PYGL: variants seen among roughly 807,000 people sequenced by gnomAD.
The protein encoded by PYGL is glycogen phosphorylase L.
PYGL carries 90 observed loss-of-function variants against 100.1 expected under a neutral mutation model. That is an observed-to-expected ratio of 0.90 (90% confidence interval 0.76 to 1.07). PYGL has a LOEUF of 1.07. Among genes scored for constraint, PYGL ranks in the 50% least tolerant of loss-of-function variants. The pLI is 0.00. For synonymous variants in PYGL, 373 were observed against 393.0 expected (o/e 0.95, Z 0.60); for missense variants, 1,016 against 1,057.6 (o/e 0.96, Z 0.55).
rs766049593 is a variant in PYGL, at chr14:50,908,279, G to T, written c.2371C>A (p.Leu791Met). Residue 791 changes from leucine to methionine, a missense_variant, in exon 19 of 20, where the codon CTG becomes ATG. Coordinates refer to ENST00000216392, the MANE Select transcript of PYGL (RefSeq NM_002863.5). ...CTTGGCAATTTACTCACCATGTACA[G>T]CTGACTCACTTTATCTTGACACTTG... ...YVKCQDKVSQ[L>M]YMNPKAWNTM... The T allele has an allele frequency of 1.9e-6, 3 of 1,591,566 alleles. No individual in the cohort carries two copies. The Admixed American group carries it at 5.0e-5, about 27-fold the overall frequency.
Position 50,908,802 on chromosome 14 carries a change from T to A in PYGL, c.2312+19A>T. The A allele has an allele frequency of 6.5e-7, 1 of 1,546,248 alleles. No individual in the cohort carries two copies. The highest frequency in any genetic ancestry group is 1.1e-5 in the South Asian group (1 of 89,688). On this transcript the variant is annotated intron_variant, in intron 18 of 19. Transcript: ENST00000216392. ...CCCTTTCATGATCCAAATAGCACCA[T>A]CTTCTTATGGGAACTCACCTGTCAT...
At position 50,911,999 on chromosome 14, in the gene PYGL, C is replaced by G. The variant is rs1170721140; in HGVS notation, c.1806G>C (p.Arg602Ser). ...KKDPKKLFVP[R>S]TVIIGGKAAP... ...TTACTTTACCACCAATGATAACTGTCCTTGGCACGAATAACTTCTTAGGGT... is the reference window on the plus strand; with the variant it reads ...TTACTTTACCACCAATGATAACTGTGCTTGGCACGAATAACTTCTTAGGGT... Residue 602 changes from arginine to serine, a missense_variant, in exon 15 of 20, where the codon AGG becomes AGC. Physicochemically the swap from Arg to Ser is moderately radical, Grantham distance 110. Coordinates refer to ENST00000216392, the MANE Select transcript of PYGL (RefSeq NM_002863.5). 2 of 1,613,876 alleles carry G rather than the reference C, an allele frequency of 1.2e-6. No individual in the cohort carries two copies. Among genetic ancestry groups the G allele is most frequent in the Non-Finnish European group, 1.7e-6 (2 of 1,179,878 alleles).
chr14:50,909,619 A>G (rs560033171), intron 17 of PYGL, among the ~76,000 whole-genome samples: 44 of 152,392 alleles, frequency 2.9e-4, no homozygotes, highest in African/African-American at 8.9e-4. Context: ...TAAAAATCAT[A>G]CATACGGAGG....
intron 1 of PYGL, among the ~76,000 whole-genome samples, chr14:50,942,030 C>T (rs1057230722): frequency 1.3e-5 from 2 of 152,274 alleles, no homozygotes; most frequent in South Asian, 2.1e-4. Flanking sequence ...GGAATTCAGA[C>T]TAGGGATCCA....
chr14:50,938,635 T>C (rs1338664414), intron 1 of PYGL, among the ~76,000 whole-genome samples: 3 of 152,178 alleles, frequency 2.0e-5, no homozygotes, highest in Non-Finnish European at 4.4e-5. Flanking sequence ...AACACTCCTA[T>C]AGAGATGTAT....
At chr14:50,907,037 C>T (rs1240502647) in intron 19 of PYGL, among the ~76,000 whole-genome samples, 1 of 152,178 alleles carries the variant, frequency 6.6e-6, no homozygotes, top group Non-Finnish European at 1.5e-5. Context: ...TAGCCCCCTC[C>T]AGTATCCATT....
chr14:50,914,927 T>A, intron 11 of PYGL, 112 bp from the exon 12 acceptor site: 1 of 809,012 alleles, frequency 1.2e-6, no homozygotes, highest in Non-Finnish European at 2.1e-6. Context: ...TTAGAAAGGT[T>A]AAATAAAGGT....
In PYGL at chr14:50,917,033, GGAT is replaced by G. The variant is rs2050459683; in HGVS notation, c.925_927del (p.Ile309del). ...CCAAACTTGGAGGCTTTGAAACGGC[GGAT>G]GATATCTTGCAAGGTTGCAGCCACC... On this transcript the variant is annotated inframe_deletion, in exon 8 of 20. Coordinates refer to ENST00000216392, the MANE Select transcript of PYGL (RefSeq NM_002863.5). 2 of 1,613,700 alleles carry G rather than the reference GGAT, an allele frequency of 1.2e-6. No individual in the cohort carries two copies. The highest frequency in any genetic ancestry group is 2.7e-5 in the African/African-American group (2 of 74,894).
chr14:50,926,725 C>CAAAAAAAAAA (rs60411526), intron 4 of PYGL, among the ~76,000 whole-genome samples: 2 of 42,826 alleles, frequency 4.7e-5, no homozygotes, highest in Admixed American at 3.5e-4. Flanking sequence ...GACTCTGTCT[C>CAAAAAAAAAA]AAAAAAAAAA....
chr14:50,913,060 A>T lies in PYGL; in HGVS notation c.1589T>A (p.Val530Asp), dbSNP rs1481634163. 3 of 1,613,982 alleles carry T rather than the reference A, an allele frequency of 1.9e-6. No individual in the cohort carries two copies. The South Asian group carries it at 3.3e-5, about 18-fold the overall frequency. Residue 530 changes from valine (V) to aspartate (D), a missense_variant, in exon 13 of 20, where the codon GTC (valine) becomes GAC (aspartate). Transcript: ENST00000216392. ...CACCTTGGCGAGTTCCCGGAGGAAG[A>T]CATCATCACCCAGGAAGCTGTGGAG... is the stretch of plus-strand genomic sequence containing the variant. ...TKLHSFLGDD[V>D]FLRELAKVKQ...
intron 17 of PYGL, among the ~76,000 whole-genome samples, chr14:50,909,335 G>A (rs756369630): frequency 1.3e-5 from 2 of 152,138 alleles, no homozygotes; most frequent in Non-Finnish European, 2.9e-5. Context: ...TGTTGCTACT[G>A]AGTGAAACTG....
intron 7 of PYGL, among the ~76,000 whole-genome samples, chr14:50,919,928 C>T (rs2050485609): frequency 6.6e-6 from 1 of 151,952 alleles, no homozygotes; most frequent in Admixed American, 6.6e-5. Context: ...AAATGATTTG[C>T]CCGCCTCAGA....
At chr14:50,909,482 T>G (rs2142787626) in intron 17 of PYGL, among the ~76,000 whole-genome samples, 1 of 152,362 alleles carries the variant, frequency 6.6e-6, no homozygotes, top group Non-Finnish European at 1.5e-5. Flanking sequence ...CAATTACTTC[T>G]GTACACCCGT....
At chr14:50,924,652 A>G (rs2050531038) in intron 4 of PYGL, among the ~76,000 whole-genome samples, 1 of 152,228 alleles carries the variant, frequency 6.6e-6, no homozygotes, top group Non-Finnish European at 1.5e-5. Context: ...TTATTGCATT[A>G]TGTAGTCTTT....
At chr14:50,916,890 G>A in intron 8 of PYGL, 72 bp downstream of exon 8, 1 of 1,575,004 alleles carries the variant, frequency 6.3e-7, no homozygotes. Flanking sequence ...TGAGAGAGAG[G>A]AATTAATCTG....
intron 17 of PYGL, among the ~76,000 whole-genome samples, chr14:50,909,692 T>A (rs1179329162): frequency 6.6e-6 from 1 of 152,166 alleles, no homozygotes; most frequent in Non-Finnish European, 1.5e-5. Context: ...CCTCCATGTG[T>A]CTGTACTTTT....
intron 16 of PYGL, 30 bp from the exon 17 acceptor site, chr14:50,910,132 T>C (rs1337024941): frequency 3.8e-6 from 6 of 1,590,880 alleles, no homozygotes; most frequent in Non-Finnish European, 5.2e-6. Context: ...AAATTAGTAA[T>C]TTTGTCTGTC....
rs141029172 is a variant in PYGL at position 50,907,983 on chromosome 14, C to A, written c.2379+288G>T. On this transcript the variant is annotated intron_variant, in intron 19 of 19. Coordinates refer to ENST00000216392, the MANE Select transcript of PYGL (RefSeq NM_002863.5). ...GTTGCAGTGAGTCAGGATCACGCCG[C>A]TGCACTCCCGTCTGAGTGACAGAGC... Among the ~76,000 whole-genome samples the A allele has an allele frequency of 2.2e-3, 325 of 144,588 alleles. 1 individual carries two copies. The highest frequency in any genetic ancestry group is 3.6e-3 in the Non-Finnish European group (240 of 67,190). The allele number at this position is 144,588 out of a possible 152,430, so 94.9% of individuals were successfully genotyped here.
At chr14:50,917,215 G>A in intron 7 of PYGL, 110 bp from the exon 8 acceptor site, 1 of 1,241,036 alleles carries the variant, frequency 8.1e-7, no homozygotes, top group Non-Finnish European at 1.2e-6. Context: ...TTGGACATCT[G>A]CTGAGGGGTG....
Sources: allele counts gnomAD v4.1 joint callset (sites outside exome capture counted in the v4.1 genomes callset), GRCh38; gene constraint gnomAD v4.1.1; transcripts MANE v1.5; gene names NCBI Gene and HGNC (gene_info 2026-07-23, HGNC 2026-07-21).